Variants in DPP6 observed in about 807,000 individuals in gnomAD.
The protein encoded by DPP6 is dipeptidyl peptidase like 6.
In DPP6, 69 loss-of-function variants were observed where a neutral mutation model predicts 122.6. The observed-to-expected ratio is 0.56, with a 90% confidence interval of 0.46 to 0.69. The LOEUF (loss-of-function observed/expected upper bound fraction) is 0.69, where lower values mean the gene tolerates loss of function less well. DPP6 is among the 30% of genes least tolerant of loss of function. DPP6 has a pLI of 0.00. For missense variants in DPP6, 928 were observed against 1,116.9 expected, an observed-to-expected ratio of 0.83 and a Z score of 2.41; for synonymous variants, 418 against 433.1, an observed-to-expected ratio of 0.97 and a Z score of 0.43.
intron 1 of DPP6, among the ~76,000 whole-genome samples, chr7:154,328,475 G>A (rs1012550710): frequency 6.6e-6 from 1 of 152,130 alleles, no homozygotes; most frequent in African/African-American, 2.4e-5. Flanking sequence ...ATAGAATGAG[G>A]GGACAGACAG....
chr7:154,154,299 A>C (rs1183421553), intron 1 of DPP6, among the ~76,000 whole-genome samples: 1 of 152,228 alleles, frequency 6.6e-6, no homozygotes. Context: ...GCTTTGTAGA[A>C]TATATTCAAT....
chr7:154,357,194 C>T (rs1197817128), intron 1 of DPP6, among the ~76,000 whole-genome samples: 2 of 150,732 alleles, frequency 1.3e-5, no homozygotes, highest in Non-Finnish European at 2.9e-5. Flanking sequence ...AAAAAACATA[C>T]ACAGTAGTTT....
chr7:153,880,444 A>C, the DPP6 span, among the ~76,000 whole-genome samples: 1 of 152,252 alleles, frequency 6.6e-6, no homozygotes, highest in African/African-American at 2.4e-5. Flanking sequence ...AAAGAGCCCA[A>C]CAATTGTTTT....
intron 1 of DPP6, among the ~76,000 whole-genome samples, chr7:154,072,325 A>T (rs1439603536): frequency 6.6e-6 from 1 of 152,198 alleles, no homozygotes; most frequent in African/African-American, 2.4e-5. Context: ...TGTTTGTATC[A>T]TGATAAACAT....
intron 7 of DPP6, among the ~76,000 whole-genome samples, chr7:154,715,650 A>C (rs1841442226): frequency 6.6e-6 from 1 of 152,178 alleles, no homozygotes; most frequent in Non-Finnish European, 1.5e-5. Context: ...ATGGAACCTC[A>C]TCCACCCACC....
intron 1 of DPP6, among the ~76,000 whole-genome samples, chr7:153,975,423 G>A (rs1201205942): frequency 2.1e-5 from 3 of 144,868 alleles, no homozygotes; most frequent in Admixed American, 1.4e-4. Flanking sequence ...AAACAGTTAT[G>A]TTTCAGGAAA....
the DPP6 span, among the ~76,000 whole-genome samples, chr7:153,830,260 A>G: frequency 1.3e-5 from 2 of 152,242 alleles, no homozygotes; most frequent in Non-Finnish European, 2.9e-5. Context: ...GAAGTAAATA[A>G]CTTAGGAAGA....
chr7:154,394,125 A>G (rs1179023444), intron 1 of DPP6, among the ~76,000 whole-genome samples: 1 of 152,212 alleles, frequency 6.6e-6, no homozygotes, highest in Non-Finnish European at 1.5e-5. Context: ...TTGCTGGATC[A>G]TATGGTTATT....
chr7:153,895,728 GCACACACACACA>G (rs10599371), intron 1 of DPP6, among the ~76,000 whole-genome samples: 44 of 149,948 alleles, frequency 2.9e-4, no homozygotes, highest in African/African-American at 4.4e-4. Flanking sequence ...GTGCATGCGT[GCACACACACACA>G]CACACACACA....
intron 1 of DPP6, among the ~76,000 whole-genome samples, chr7:153,958,259 G>A (rs1218810408): frequency 1.3e-5 from 2 of 152,156 alleles, no homozygotes; most frequent in Non-Finnish European, 2.9e-5. Flanking sequence ...GGTTAGTGAG[G>A]CAGGCGCAGG....
At chr7:154,490,149 G>A (rs2151385821) in intron 3 of DPP6, among the ~76,000 whole-genome samples, 1 of 152,336 alleles carries the variant, frequency 6.6e-6, no homozygotes, top group South Asian at 2.1e-4. Context: ...CTTTGAAAAT[G>A]CTTCTGACAA....
chr7:154,219,879 G>A (rs1800205672), intron 1 of DPP6, among the ~76,000 whole-genome samples: 1 of 152,170 alleles, frequency 6.6e-6, no homozygotes, highest in South Asian at 2.1e-4. Flanking sequence ...GAGCCACTGT[G>A]CTCAGCCTGC....
the DPP6 span, among the ~76,000 whole-genome samples, chr7:153,786,261 ATGACATC>A: frequency 0.43 from 54,949 of 126,634 alleles, 13,249 homozygotes; most frequent in African/African-American, 0.54. Flanking sequence ...GGTGGTTTTA[ATGACATC>A]TGACATCTGA....
At chr7:154,063,381 G>C (rs1802345042) in intron 1 of DPP6, among the ~76,000 whole-genome samples, 1 of 133,154 alleles carries the variant, frequency 7.5e-6, no homozygotes, top group Non-Finnish European at 1.6e-5. Context: ...CCCCCCACGA[G>C]GGTGGGGACT....
intron 16 of DPP6, among the ~76,000 whole-genome samples, chr7:154,812,116 A>G (rs1799097512): frequency 6.6e-6 from 1 of 152,228 alleles, no homozygotes; most frequent in African/African-American, 2.4e-5. Context: ...GGATTTAACA[A>G]CTAGGACAAG....
chr7:154,078,912 G>A (rs1452298326), intron 1 of DPP6, among the ~76,000 whole-genome samples: 2 of 144,572 alleles, frequency 1.4e-5, no homozygotes, highest in African/African-American at 2.6e-5. Context: ...AAACATTGAG[G>A]GTATCTCAAA....
At chr7:154,708,014 C>T (rs1259453718) in intron 7 of DPP6, among the ~76,000 whole-genome samples, 2 of 152,112 alleles carry the variant, frequency 1.3e-5, no homozygotes, top group African/African-American at 2.4e-5. Flanking sequence ...TGTATTTGCC[C>T]AGCTGAGCAG....
the DPP6 span, among the ~76,000 whole-genome samples, chr7:153,755,425 G>A: frequency 5.7e-5 from 8 of 141,260 alleles, no homozygotes; most frequent in African/African-American, 2.1e-4. Flanking sequence ...CATTTTCCCA[G>A]TGTTACATTT....
chr7:154,497,194 C>T (rs774275898), intron 3 of DPP6, among the ~76,000 whole-genome samples: 7 of 152,310 alleles, frequency 4.6e-5, no homozygotes, highest in East Asian at 1.9e-4. Context: ...ACTAAAATCA[C>T]TCAAGTAACC....
Sources: allele counts gnomAD v4.1 joint callset (sites outside exome capture counted in the v4.1 genomes callset), GRCh38; gene constraint gnomAD v4.1.1; transcripts MANE v1.5; gene names NCBI Gene and HGNC (gene_info 2026-07-23, HGNC 2026-07-21).